Variants in RPS6KA1 observed in about 807,000 individuals in gnomAD.
The protein encoded by RPS6KA1 is ribosomal protein S6 kinase alpha-1.
RPS6KA1 carries 48 observed loss-of-function variants against 91.3 expected under a neutral mutation model. That is an observed-to-expected ratio of 0.53 (90% CI 0.42 to 0.67). The LOEUF (loss-of-function observed/expected upper bound fraction) is 0.67. Ranked by LOEUF, RPS6KA1 falls within the 30% of genes least tolerant of loss-of-function variation. The pLI is 0.00. For synonymous variants in RPS6KA1, 359 were observed against 384.7 expected (o/e 0.93, Z 0.78); for missense variants, 719 against 960.5 (o/e 0.75, Z 3.32).
intron 4 of RPS6KA1, among the ~76,000 whole-genome samples, chr1:26,549,450 TC>T (rs1557498199): frequency 6.6e-6 from 1 of 151,838 alleles, no homozygotes; most frequent in Non-Finnish European, 1.5e-5. Flanking sequence ...GTGTCTGTAA[TC>T]CCAGCTACTC....
chr1:26,557,483 C>T (rs1209356603), intron 13 of RPS6KA1, among the ~76,000 whole-genome samples: 1 of 152,156 alleles, frequency 6.6e-6, no homozygotes, highest in Non-Finnish European at 1.5e-5. Flanking sequence ...GGTGGCTGAG[C>T]AGAGGTGACA....
Position 26,547,445 on chromosome 1 carries a change from C to T in RPS6KA1, c.307+175C>T, listed in dbSNP as rs1238255564. 1.7e-6 allele frequency: 1 copy of T among 601,414 alleles called. No homozygotes were observed. The highest frequency in any genetic ancestry group is 3.0e-6 in the Non-Finnish European group (1 of 334,986). The allele number at this position is 601,414 out of a possible 1,614,324, so 37.3% of individuals were successfully genotyped here. The stretch of plus-strand genomic sequence containing the variant: ...CCCTCGCCAGCCAATCCTCCTCCCC[C>T]TAAGCCAAGTGCTAGTGACTGGCTG... On this transcript the variant is annotated intron_variant, in intron 4 of 21. Coordinates refer to ENST00000374168, the MANE Select transcript of RPS6KA1 (RefSeq NM_002953.4). The surrounding 1 kb of genome is among the most constrained non-coding windows in gnomAD (Gnocchi z 4.1).
intron 1 of RPS6KA1, among the ~76,000 whole-genome samples, chr1:26,535,355 C>T (rs2075898531): frequency 6.6e-6 from 1 of 151,994 alleles, no homozygotes; most frequent in Non-Finnish European, 1.5e-5. Flanking sequence ...ACAGCTGTGC[C>T]TACCCAGCTG....
At position 26,551,774 on chromosome 1, in the gene RPS6KA1, C is replaced by CA. The variant is rs1165504125; in HGVS notation, c.468+53dup. ...GCCCCGGGATGGAGCTGAGGGACGACAAGTCCTCCCATCCCAGGGCCCTGT... is the reference window on the plus strand; with the variant it reads ...GCCCCGGGATGGAGCTGAGGGACGACAAAGTCCTCCCATCCCAGGGCCCTGT... On this transcript the variant is annotated intron_variant, in intron 6 of 21. Transcript: ENST00000374168. The surrounding 1 kb of genome is among the most constrained non-coding windows in gnomAD (Gnocchi z 4.5). The CA allele has an allele frequency of 2.7e-6, 4 of 1,455,050 alleles. No individual in the cohort carries two copies. In the African/African-American group the frequency reaches 5.6e-5, roughly 20 times the overall value. 90.1% of individuals were successfully genotyped at this position (1,455,050 alleles called of 1,614,324 possible). A position where few individuals can be genotyped will look rare whatever the true frequency, so the allele number is the denominator to read the frequency against.
intron 2 of RPS6KA1, among the ~76,000 whole-genome samples, chr1:26,539,033 C>T (rs1489422286): frequency 6.6e-6 from 1 of 152,188 alleles, no homozygotes; most frequent in Admixed American, 6.5e-5. Context: ...GAGAAGCTTC[C>T]AATCTTTGGG....
chr1:26,537,897 C>G (rs138002140), intron 2 of RPS6KA1, among the ~76,000 whole-genome samples: 1 of 152,342 alleles, frequency 6.6e-6, no homozygotes, highest in East Asian at 1.9e-4. Flanking sequence ...TAGTAACTGC[C>G]TGGCACATGG....
intron 1 of RPS6KA1, among the ~76,000 whole-genome samples, chr1:26,532,261 G>A (rs7555931): frequency 0.89 from 135,896 of 152,236 alleles, 61,369 homozygotes; most frequent in Non-Finnish European, 0.96. Context: ...GTTCTGCCAC[G>A]TACAGAGCTT....
chr1:26,555,252 G>T lies in RPS6KA1; in HGVS notation c.827+31G>T. On this transcript the variant is annotated intron_variant, in intron 10 of 21. Transcript: ENST00000374168. The surrounding 1 kb of genome is among the most constrained non-coding windows in gnomAD (Gnocchi z 4.3). The stretch of plus-strand genomic sequence containing the variant: ...CCCCAGCCCTGCCCTGATAACAATG[G>T]ACTCCTCCAAGCCCCAGCCCCAGTT... 1 of 1,607,006 alleles carries T rather than the reference G, an allele frequency of 6.2e-7. No homozygotes were observed. The highest frequency in any genetic ancestry group is 1.1e-5 in the South Asian group (1 of 90,858).
In RPS6KA1 at chr1:26,555,461, G is replaced by T. The variant is rs900832204; in HGVS notation, c.828-76G>T. On this transcript the variant is annotated intron_variant, in intron 10 of 21. Transcript: ENST00000374168. This position sits in a 1 kb window ranked among gnomAD's most constrained non-coding sequence, Gnocchi z 4.3. ...CTTGTCTAGACTGAGCTGGGAACTAGATCTGGACAGGGGCCGGGGGAGATG... is the reference window on the plus strand; with the variant it reads ...CTTGTCTAGACTGAGCTGGGAACTATATCTGGACAGGGGCCGGGGGAGATG... 7.1e-6 allele frequency: 10 copies of T among 1,403,948 alleles called. No homozygotes were observed. The African/African-American group carries it at 1.4e-4, about 20-fold the overall frequency. The allele number at this position is 1,403,948 out of a possible 1,614,324, so 87.0% of individuals were successfully genotyped here.
chr1:26,559,959 G>A (rs1205454393), intron 14 of RPS6KA1, among the ~76,000 whole-genome samples: 1 of 152,182 alleles, frequency 6.6e-6, no homozygotes, highest in African/African-American at 2.4e-5. Flanking sequence ...GGGCGTGTTG[G>A]CGCGTGCCTA....
chr1:26,560,643 A>G (rs2076145495), intron 14 of RPS6KA1, 83 bp from the exon 15 acceptor site: 2 of 1,566,590 alleles, frequency 1.3e-6, no homozygotes, highest in Non-Finnish European at 1.7e-6. Flanking sequence ...TGCTGTCTCT[A>G]CTGAGCCAAG....
In RPS6KA1 at chr1:26,554,122, C is replaced by T; in HGVS notation, c.576-92C>T. 1 of 1,387,752 alleles carries T rather than the reference C, an allele frequency of 7.2e-7. No homozygotes were observed. The allele number at this position is 1,387,752 out of a possible 1,614,324, so 86.0% of individuals were successfully genotyped here. On this transcript the variant is annotated intron_variant, in intron 7 of 21. Transcript: ENST00000374168. This position sits in a 1 kb window ranked among gnomAD's most constrained non-coding sequence, Gnocchi z 4.6. ...GAGAGAATTGGGTGGAGCACCTCCTCTGGGCTGAACCCAACTCCCACAGCC... is the reference window on the plus strand; with the variant it reads ...GAGAGAATTGGGTGGAGCACCTCCTTTGGGCTGAACCCAACTCCCACAGCC...
intron 2 of RPS6KA1, among the ~76,000 whole-genome samples, chr1:26,538,122 T>C (rs1238075028): frequency 6.6e-6 from 1 of 152,098 alleles, no homozygotes; most frequent in African/African-American, 2.4e-5. Context: ...GTGAGGGAAG[T>C]ATTCTCGCAC....
At chr1:26,545,729 T>A (rs2075988585) in intron 2 of RPS6KA1, 1 of 892,610 alleles carries the variant, frequency 1.1e-6, no homozygotes, top group African/African-American at 1.8e-5. Context: ...GAAGGGAACG[T>A]GGTGAGGGTG....
chr1:26,550,599 ATGAGCCACTG>A (rs1167498444), intron 4 of RPS6KA1, among the ~76,000 whole-genome samples: 1 of 152,206 alleles, frequency 6.6e-6, no homozygotes, highest in Non-Finnish European at 1.5e-5. Flanking sequence ...GATTACAGGC[ATGAGCCACTG>A]TGCCCGGCCC....
chr1:26,541,519 C>T (rs774241561), intron 2 of RPS6KA1, among the ~76,000 whole-genome samples: 2 of 152,198 alleles, frequency 1.3e-5, no homozygotes, highest in Non-Finnish European at 2.9e-5. Flanking sequence ...CTCACCACTG[C>T]ACTCCAGCCT....
At chr1:26,536,511 C>T (rs1044464192) in intron 1 of RPS6KA1, among the ~76,000 whole-genome samples, 23 of 152,326 alleles carry the variant, frequency 1.5e-4, no homozygotes, top group African/African-American at 5.5e-4. Context: ...TGTAACTACC[C>T]CACCCCATGT....
At chr1:26,567,292 C>G (rs2124666832) in intron 17 of RPS6KA1, among the ~76,000 whole-genome samples, 1 of 152,272 alleles carries the variant, frequency 6.6e-6, no homozygotes. Context: ...TCCCAAACTG[C>G]TGAGATTTAC....
chr1:26,560,697 G>A (rs1460922360), intron 14 of RPS6KA1, 29 bp from the exon 15 acceptor site: 1 of 1,613,956 alleles, frequency 6.2e-7, no homozygotes, highest in South Asian at 1.1e-5. Flanking sequence ...TAGAGCCAGG[G>A]GTCAGCCACA....
Sources: allele counts gnomAD v4.1 joint callset (sites outside exome capture counted in the v4.1 genomes callset), GRCh38; gene constraint gnomAD v4.1.1; non-coding constraint Gnocchi (gnomAD v3.1); transcripts MANE v1.5; gene names NCBI Gene and HGNC (gene_info 2026-07-23, HGNC 2026-07-21).